Variants in LRRC28 observed in about 807,000 individuals in gnomAD.
The protein encoded by LRRC28 is leucine-rich repeat-containing protein 28.
Under a neutral mutation model 45.7 loss-of-function variants are expected in LRRC28, and 39 were observed. The ratio of observed to expected loss-of-function variants is 0.85; its 90% CI spans 0.66 to 1.12. LRRC28 has a LOEUF of 1.12. Ranked by LOEUF, LRRC28 falls within the 50% of genes most tolerant of loss-of-function variation. LRRC28 has a pLI of 0.00. For synonymous variants in LRRC28, 206 were observed against 178.8 expected (o/e 1.15, Z -1.22); for missense variants, 435 against 438.5 (o/e 0.99, Z 0.07).
rs1301968825 is a variant in LRRC28 at position 99,338,556 on chromosome 15, C to A, written c.592+4427C>A. ...GAGCCTTGATTCTATAAACATAATA[C>A]AGGAACTTAAAAGTTTTATGAAATG... On this transcript the variant is annotated intron_variant, in intron 6 of 9. Coordinates refer to ENST00000301981, the MANE Select transcript of LRRC28 (RefSeq NM_144598.5). 4 of 152,262 alleles carry A rather than the reference C, an allele frequency of 2.6e-5. No individual in the cohort carries two copies. In the East Asian group the frequency reaches 7.7e-4, roughly 29 times the overall value. The allele number at this position is 152,262 out of a possible 1,614,324, so 9.4% of individuals were successfully genotyped here.
At chr15:99,259,855 C>G in intron 2 of LRRC28, 2 of 812,876 alleles carry the variant, frequency 2.5e-6, no homozygotes, top group South Asian at 2.7e-5. Flanking sequence ...AATGCCTTGC[C>G]TCAGTTTGAA....
rs913412633 is a variant in LRRC28 at position 99,293,627 on chromosome 15, A to C, written c.385+5676A>C. Among the ~76,000 whole-genome samples the C allele has an allele frequency of 8.3e-5, 12 of 143,832 alleles. No homozygotes were observed. The South Asian group carries it at 2.6e-3, about 31-fold the overall frequency. The allele number at this position is 143,832 out of a possible 152,430, so 94.4% of individuals were successfully genotyped here. On this transcript the variant is annotated intron_variant, in intron 5 of 9. Transcript: ENST00000301981. The stretch of plus-strand genomic sequence containing the variant: ...AAAAAAAAAAAAAAAAAAAAAAAAA[A>C]AAAAAACCTAAACAATATTTACCTG...
At chr15:99,380,121 A>G (rs1273860952) in intron 9 of LRRC28, among the ~76,000 whole-genome samples, 1 of 152,132 alleles carries the variant, frequency 6.6e-6, no homozygotes, top group African/African-American at 2.4e-5. Flanking sequence ...TGATCTGTCT[A>G]ATGTTGACAG....
intron 5 of LRRC28, among the ~76,000 whole-genome samples, chr15:99,323,367 G>A (rs1955864913): frequency 6.6e-6 from 1 of 152,124 alleles, no homozygotes; most frequent in Non-Finnish European, 1.5e-5. Context: ...TATGAATTCT[G>A]CTTTTTAAAA....
At chr15:99,310,494 G>GAGACAAGC (rs1597313414) in intron 5 of LRRC28, among the ~76,000 whole-genome samples, 1 of 152,188 alleles carries the variant, frequency 6.6e-6, no homozygotes, top group Admixed American at 6.5e-5. Flanking sequence ...CACTAGAAGT[G>GAGACAAGC]AGACAAGCAG....
chr15:99,265,303 G>T (rs983423615), intron 2 of LRRC28, among the ~76,000 whole-genome samples: 19 of 152,134 alleles, frequency 1.2e-4, no homozygotes, highest in African/African-American at 4.3e-4. Flanking sequence ...TTAGGATTTG[G>T]CCAAGAGAGT....
At chr15:99,341,242 T>C (rs1340576382) in intron 6 of LRRC28, among the ~76,000 whole-genome samples, 2 of 151,824 alleles carry the variant, frequency 1.3e-5, no homozygotes, top group Non-Finnish European at 2.9e-5. Context: ...AGGCGCACAC[T>C]GCCATGGATG....
chr15:99,314,662 A>G (rs1183776129), intron 5 of LRRC28, among the ~76,000 whole-genome samples: 2 of 152,106 alleles, frequency 1.3e-5, no homozygotes, highest in Non-Finnish European at 2.9e-5. Flanking sequence ...CTGAGATGGT[A>G]TTTGTTTGGG....
In LRRC28 at chr15:99,350,641, A is replaced by T. The variant is rs536131440; in HGVS notation, c.593-1728A>T. ...TTAAATGGGTTTTCATTTGCAATGT[A>T]AATGAATCTAAAAACCTCCTGATTC... On this transcript the variant is annotated intron_variant, in intron 6 of 9. Coordinates refer to ENST00000301981, the MANE Select transcript of LRRC28 (RefSeq NM_144598.5). 2.0e-5 allele frequency among the ~76,000 whole-genome samples: 3 copies of T among 152,336 alleles called. No individual in the cohort carries two copies. In the East Asian group the frequency reaches 5.8e-4, roughly 29 times the overall value.
intron 5 of LRRC28, among the ~76,000 whole-genome samples, chr15:99,299,648 A>G (rs1475807779): frequency 6.6e-6 from 1 of 152,168 alleles, no homozygotes; most frequent in Non-Finnish European, 1.5e-5. Context: ...ATGAGTGAAA[A>G]GCTTTATGAT....
intron 5 of LRRC28, among the ~76,000 whole-genome samples, chr15:99,323,187 C>T (rs938744297): frequency 6.6e-6 from 1 of 152,142 alleles, no homozygotes; most frequent in African/African-American, 2.4e-5. Context: ...GATTTTGGCT[C>T]CCTGGTCTGT....
chr15:99,374,438 C>G (rs912495118), intron 9 of LRRC28, among the ~76,000 whole-genome samples: 1 of 152,240 alleles, frequency 6.6e-6, no homozygotes, highest in East Asian at 1.9e-4. Context: ...TTTCATATTT[C>G]GACTGTATAT....
At chr15:99,288,167 A>G (rs2082009273) in intron 5 of LRRC28, among the ~76,000 whole-genome samples, 2 of 152,210 alleles carry the variant, frequency 1.3e-5, no homozygotes, top group African/African-American at 4.8e-5. Flanking sequence ...TATAGCTACA[A>G]TTACTACAAT....
At chr15:99,343,348 A>G (rs985755713) in intron 6 of LRRC28, among the ~76,000 whole-genome samples, 2 of 152,328 alleles carry the variant, frequency 1.3e-5, no homozygotes, top group South Asian at 2.1e-4. Context: ...TTGCTTTTAC[A>G]GTATGGTTAA....
intron 5 of LRRC28, among the ~76,000 whole-genome samples, chr15:99,289,338 G>A (rs973378486): frequency 1.1e-4 from 17 of 152,174 alleles, no homozygotes; most frequent in Admixed American, 9.8e-4. Flanking sequence ...AGATACAGAT[G>A]TTAATTTGTC....
At chr15:99,275,535 A>G (rs988354396) in intron 2 of LRRC28, among the ~76,000 whole-genome samples, 1 of 152,204 alleles carries the variant, frequency 6.6e-6, no homozygotes. Context: ...TGGAGGATAT[A>G]TTAGTTTTTC....
chr15:99,255,026 G>A (rs912241072), intron 1 of LRRC28, among the ~76,000 whole-genome samples: 2 of 152,102 alleles, frequency 1.3e-5, no homozygotes, highest in Admixed American at 6.6e-5. Context: ...TGTGGCCCTG[G>A]ATCTATTTCT....
chr15:99,309,301 C>T (rs180725072), intron 5 of LRRC28, among the ~76,000 whole-genome samples: 12 of 152,358 alleles, frequency 7.9e-5, no homozygotes, highest in Admixed American at 4.6e-4. Flanking sequence ...TGACCCTCAA[C>T]TGTGATCTGA....
chr15:99,359,073 TA>T (rs568444032), intron 7 of LRRC28, among the ~76,000 whole-genome samples: 227 of 144,542 alleles, frequency 1.6e-3, no homozygotes, highest in Middle Eastern at 7.0e-3. Context: ...GGCTCTGTCT[TA>T]AAAAAAAAAA....
Sources: allele counts gnomAD v4.1 joint callset (sites outside exome capture counted in the v4.1 genomes callset), GRCh38; gene constraint gnomAD v4.1.1; transcripts MANE v1.5; gene names NCBI Gene and HGNC (gene_info 2026-07-23, HGNC 2026-07-21).